Variants in TRPM3 observed in about 807,000 individuals in gnomAD.
TRPM3 encodes the protein long transient receptor potential channel 3.
Under a neutral mutation model 181.2 loss-of-function variants are expected in TRPM3, and 77 were observed. The ratio of observed to expected loss-of-function variants is 0.42; its 90% CI spans 0.35 to 0.51. The LOEUF (loss-of-function observed/expected upper bound fraction) is 0.51. TRPM3 is among the 20% of genes least tolerant of loss of function. TRPM3 has a pLI of 0.01. For missense variants in TRPM3, 1,759 were observed against 2,196.7 expected (o/e 0.80, Z 3.98); for synonymous variants, 745 against 796.4 (o/e 0.94, Z 1.09).
At chr9:70,753,617 A>T (rs557243955) in intron 8 of TRPM3, among the ~76,000 whole-genome samples, 49 of 152,268 alleles carry the variant, frequency 3.2e-4, no homozygotes, top group African/African-American at 1.1e-3. Context: ...GGTAAAGAAA[A>T]CTATTTTGAA....
intron 19 of TRPM3, among the ~76,000 whole-genome samples, chr9:70,604,931 C>G (rs2060739319): frequency 6.7e-6 from 1 of 149,192 alleles, no homozygotes; most frequent in African/African-American, 2.5e-5. Context: ...GGATTATAGG[C>G]ATGAGCCACC....
chr9:70,739,567 C>G lies in TRPM3; in HGVS notation c.1272+22034G>C, dbSNP rs539866750. Among the ~76,000 whole-genome samples, 24 of 152,040 alleles carry G rather than the reference C, an allele frequency of 1.6e-4. No individual in the cohort carries two copies. In the South Asian group the frequency reaches 3.5e-3, roughly 22 times the overall value. On this transcript the variant is annotated intron_variant, in intron 8 of 25. Transcript: ENST00000677713. ...GAAAGCATTCCCCTGAGAACTGGAA[C>G]AAGACAAGGATGCCCACTTTTTTAT...
intron 1 of TRPM3, among the ~76,000 whole-genome samples, chr9:70,975,277 A>T (rs974001767): frequency 1.3e-5 from 2 of 152,188 alleles, no homozygotes; most frequent in African/African-American, 4.8e-5. Flanking sequence ...TATCTTTAAG[A>T]GTAAAAAAAT....
At chr9:70,583,935 T>C (rs1282007200) in intron 22 of TRPM3, among the ~76,000 whole-genome samples, 1 of 152,216 alleles carries the variant, frequency 6.6e-6, no homozygotes, top group Non-Finnish European at 1.5e-5. Flanking sequence ...TGTCTTCATA[T>C]GATGCTAGGC....
chr9:71,296,524 A>C (rs936682122), intron 1 of TRPM3, among the ~76,000 whole-genome samples: 4 of 152,176 alleles, frequency 2.6e-5, no homozygotes, highest in Admixed American at 2.6e-4. Context: ...GGAGAGAACA[A>C]GGTGTGTGTG....
intron 1 of TRPM3, among the ~76,000 whole-genome samples, chr9:71,034,965 A>AT (rs74670373): frequency 0.062 from 9,353 of 151,128 alleles, 417 homozygotes; most frequent in Admixed American, 0.14. Flanking sequence ...AAAATATATA[A>AT]TTTTTTTTTG....
At chr9:71,273,736 G>A (rs888580585) in intron 1 of TRPM3, among the ~76,000 whole-genome samples, 12 of 152,180 alleles carry the variant, frequency 7.9e-5, no homozygotes, top group Admixed American at 1.3e-4. Context: ...GATGACAAAT[G>A]TATGCAACTT....
chr9:70,656,922 A>C (rs2060425295), intron 9 of TRPM3, among the ~76,000 whole-genome samples: 1 of 123,848 alleles, frequency 8.1e-6, no homozygotes, highest in Non-Finnish European at 1.7e-5. Context: ...AGTTATAAAA[A>C]AAAGTGTTTT....
chr9:70,838,466 A>G (rs1297108584), intron 5 of TRPM3, among the ~76,000 whole-genome samples: 1 of 152,200 alleles, frequency 6.6e-6, no homozygotes, highest in Non-Finnish European at 1.5e-5. Flanking sequence ...GAATTGTGGA[A>G]AAATAAATTT....
intron 1 of TRPM3, among the ~76,000 whole-genome samples, chr9:71,255,486 G>C (rs1270721568): frequency 1.3e-5 from 2 of 152,092 alleles, no homozygotes; most frequent in East Asian, 3.9e-4. Flanking sequence ...CATTAATCCT[G>C]TCCACACACC....
chr9:71,226,835 G>A (rs1488804060), intron 1 of TRPM3, among the ~76,000 whole-genome samples: 1 of 151,984 alleles, frequency 6.6e-6, no homozygotes, highest in East Asian at 1.9e-4. Context: ...TCTTCCAGAT[G>A]GAAGATCAAC....
rs148422822 is a variant in TRPM3 at position 71,254,185 on chromosome 9, T to C, written c.183+192468A>G. Among the ~76,000 whole-genome samples, 667 of 152,288 alleles carry C rather than the reference T, an allele frequency of 4.4e-3. 12 individuals are homozygous for C. The East Asian group carries it at 0.072, about 17-fold the overall frequency. ...CGCCCACCTCACGCTCCCAAAGTGC[T>C]GGGATTACAGGCAAGAGCCACTGCG... On this transcript the variant is annotated intron_variant, in intron 1 of 24. Coordinates refer to the TRPM3 transcript ENST00000357533.
intron 1 of TRPM3, among the ~76,000 whole-genome samples, chr9:71,033,836 G>A (rs958103546): frequency 2.0e-5 from 3 of 152,030 alleles, no homozygotes; most frequent in African/African-American, 7.3e-5. Flanking sequence ...TCCAGCTCAG[G>A]GTCACGGGTG....
intron 8 of TRPM3, among the ~76,000 whole-genome samples, chr9:70,682,462 A>G (rs930085033): frequency 6.6e-6 from 1 of 152,180 alleles, no homozygotes; most frequent in Non-Finnish European, 1.5e-5. Context: ...AACTTCAAGC[A>G]GAGTAAGTGG....
intron 1 of TRPM3, among the ~76,000 whole-genome samples, chr9:70,934,568 T>C (rs962020139): frequency 3.3e-5 from 5 of 152,208 alleles, no homozygotes; most frequent in African/African-American, 4.8e-5. Context: ...TTAGCCTCGG[T>C]TTCCTCACCA....
chr9:71,359,276 C>A (rs992851089), intron 1 of TRPM3, among the ~76,000 whole-genome samples: 1 of 152,218 alleles, frequency 6.6e-6, no homozygotes, highest in African/African-American at 2.4e-5. Context: ...GGAAATCTCA[C>A]AAACTGAGGT....
chr9:70,648,473 A>G (rs2059187388), intron 9 of TRPM3, among the ~76,000 whole-genome samples: 1 of 152,144 alleles, frequency 6.6e-6, no homozygotes, highest in African/African-American at 2.4e-5. Flanking sequence ...CTCAGAAAAA[A>G]AGCAAAGGAA....
intron 1 of TRPM3, among the ~76,000 whole-genome samples, chr9:70,978,034 C>A (rs1463750531): frequency 6.6e-6 from 1 of 152,176 alleles, no homozygotes; most frequent in African/African-American, 2.4e-5. Flanking sequence ...GGCTGAAAGT[C>A]CCAACTCTCT....
At chr9:70,916,219 C>G (rs908674049) in intron 1 of TRPM3, among the ~76,000 whole-genome samples, 2 of 152,078 alleles carry the variant, frequency 1.3e-5, no homozygotes, top group East Asian at 3.9e-4. Flanking sequence ...TTCATCAACA[C>G]CAGACCTGTT....
Sources: allele counts gnomAD v4.1 joint callset (sites outside exome capture counted in the v4.1 genomes callset), GRCh38; gene constraint gnomAD v4.1.1; transcripts MANE v1.5; gene names NCBI Gene and HGNC (gene_info 2026-07-23, HGNC 2026-07-21).